The following FIG4 variants were observed in gnomAD, a reference collection of about 807,000 sequenced individuals.
FIG4 encodes FIG4 phosphoinositide 5-phosphatase.
Under a neutral mutation model 118.6 loss-of-function variants are expected in FIG4, and 112 were observed. The ratio of observed to expected loss-of-function variants is 0.94; its 90% CI spans 0.81 to 1.11. FIG4 has a LOEUF of 1.11. Among genes scored for constraint, FIG4 ranks in the 50% least tolerant of loss-of-function variants. The probability of loss-of-function intolerance (pLI) is 0.00; values close to 1 mark genes in which losing one functional copy is unlikely to be tolerated. For missense variants in FIG4, 969 were observed against 1,111.7 expected (o/e 0.87, Z 1.83); for synonymous variants, 369 against 381.2 (o/e 0.97, Z 0.37).
intron 14 of FIG4, 135 bp from the exon 15 acceptor site, chr6:109,766,594 G>T (rs966457191): frequency 5.5e-6 from 4 of 726,860 alleles, no homozygotes; most frequent in Non-Finnish European, 9.6e-6. Flanking sequence ...GCATTTATTT[G>T]CAAGATATTG....
At chr6:109,761,189 T>C (rs1367002619) in intron 11 of FIG4, among the ~76,000 whole-genome samples, 1 of 152,160 alleles carries the variant, frequency 6.6e-6, no homozygotes, top group Non-Finnish European at 1.5e-5. Context: ...ATTCATATTA[T>C]TTTTTTAATT....
rs143509780 is a variant in FIG4, at chr6:109,805,230, C to T, written c.2546+8379C>T. Among the ~76,000 whole-genome samples, 1,077 of 152,178 alleles carry T rather than the reference C, an allele frequency of 7.1e-3. 12 individuals carry two copies. The highest frequency in any genetic ancestry group is 0.024 in the African/African-American group (985 of 41,522). The stretch of plus-strand genomic sequence containing the variant: ...ACCATGGTTTTCTGATTTTTAGATT[C>T]CCTACTGCTACCAAATGTCTGAAGC... On this transcript the variant is annotated intron_variant, in intron 22 of 22. Coordinates refer to ENST00000230124, the MANE Select transcript of FIG4 (RefSeq NM_014845.6).
Position 109,727,113 on chromosome 6 carries a change from T to C in FIG4, c.294T>C (p.Phe98=), listed in dbSNP as rs1367957841. 7 of 1,609,460 alleles carry C rather than the reference T, an allele frequency of 4.3e-6. No individual in the cohort carries two copies. The highest frequency in any genetic ancestry group is 1.3e-5 in the African/African-American group (1 of 74,850). ...RAVSAFGVVG[F]VRFLEGYYIV... Reference sequence around the variant, plus strand: ...TCTTTATTTTTTGTTGCATAGGTTTTGTCAGGTTCTTAGAAGGCTATTATA... The same window carrying C: ...TCTTTATTTTTTGTTGCATAGGTTTCGTCAGGTTCTTAGAAGGCTATTATA... The change falls in exon 4 of 23, where the codon TTT becomes TTC. Residue 98 remains phenylalanine, a synonymous_variant. Coordinates refer to ENST00000230124, the MANE Select transcript of FIG4 (RefSeq NM_014845.6).
At chr6:109,731,258 A>G (rs185809130) in intron 4 of FIG4, among the ~76,000 whole-genome samples, 3 of 152,330 alleles carry the variant, frequency 2.0e-5, no homozygotes, top group African/African-American at 7.2e-5. Flanking sequence ...TATTTTAACC[A>G]CTTAGAAGAA....
chr6:109,782,678 A>G (rs968108742), intron 16 of FIG4, among the ~76,000 whole-genome samples: 7 of 152,270 alleles, frequency 4.6e-5, no homozygotes, highest in African/African-American at 1.7e-4. Flanking sequence ...AATTAGATTT[A>G]CTCAGATGCA....
At chr6:109,798,243 G>C (rs1778338785) in intron 22 of FIG4, among the ~76,000 whole-genome samples, 1 of 152,176 alleles carries the variant, frequency 6.6e-6, no homozygotes, top group Non-Finnish European at 1.5e-5. Context: ...ATCTTAAGTG[G>C]TGAAATGGAC....
At chr6:109,734,040 A>G (rs1215231235) in intron 5 of FIG4, among the ~76,000 whole-genome samples, 1 of 152,004 alleles carries the variant, frequency 6.6e-6, no homozygotes, top group Non-Finnish European at 1.5e-5. Flanking sequence ...ACTTCTTAAT[A>G]TAGCTTTTAT....
At chr6:109,725,074 T>C (rs990454629) in intron 3 of FIG4, among the ~76,000 whole-genome samples, 3 of 147,978 alleles carry the variant, frequency 2.0e-5, no homozygotes, top group Non-Finnish European at 4.6e-5. Context: ...AATGAATGAA[T>C]TAAATTGTTT....
At chr6:109,801,701 A>G (rs1778433165) in intron 22 of FIG4, among the ~76,000 whole-genome samples, 1 of 152,214 alleles carries the variant, frequency 6.6e-6, no homozygotes, top group South Asian at 2.1e-4. Flanking sequence ...TACAGATCAG[A>G]GCATGCTGTT....
At chr6:109,697,599 T>A (rs1051221229) in intron 1 of FIG4, among the ~76,000 whole-genome samples, 1 of 152,142 alleles carries the variant, frequency 6.6e-6, no homozygotes, top group African/African-American at 2.4e-5. Context: ...GCAATGTCTT[T>A]TGTGACTGAG....
intron 3 of FIG4, among the ~76,000 whole-genome samples, chr6:109,719,885 C>A (rs925388360): frequency 6.6e-6 from 1 of 152,102 alleles, no homozygotes; most frequent in Admixed American, 6.5e-5. Context: ...GATAACCAAG[C>A]TTGTAAAACT....
chr6:109,803,200 T>A (rs1406155846), intron 22 of FIG4, among the ~76,000 whole-genome samples: 1 of 152,200 alleles, frequency 6.6e-6, no homozygotes, highest in African/African-American at 2.4e-5. Flanking sequence ...TTTGGAAAGG[T>A]CACTCTGGAA....
At chr6:109,696,478 G>A (rs1412323789) in intron 1 of FIG4, among the ~76,000 whole-genome samples, 1 of 152,128 alleles carries the variant, frequency 6.6e-6, no homozygotes, top group Non-Finnish European at 1.5e-5. Context: ...GCTAAGATGT[G>A]GAATCAGCCT....
chr6:109,721,239 T>G (rs1354446907), intron 3 of FIG4, among the ~76,000 whole-genome samples: 1 of 152,128 alleles, frequency 6.6e-6, no homozygotes, highest in Non-Finnish European at 1.5e-5. Flanking sequence ...CTCAGACTAG[T>G]TAGGGGGCAG....
chr6:109,803,580 G>A (rs945659460), intron 22 of FIG4, among the ~76,000 whole-genome samples: 7 of 151,948 alleles, frequency 4.6e-5, no homozygotes, highest in African/African-American at 7.3e-5. Flanking sequence ...GGGTTTTCTC[G>A]GCTATTGATT....
chr6:109,754,776 C>A (rs752733211), intron 10 of FIG4, among the ~76,000 whole-genome samples: 1 of 152,066 alleles, frequency 6.6e-6, no homozygotes, highest in Non-Finnish European at 1.5e-5. Flanking sequence ...TCTGTGGGAT[C>A]GGTGGTGATA....
At chr6:109,769,623 TA>T (rs777015058) in intron 15 of FIG4, among the ~76,000 whole-genome samples, 766 of 139,704 alleles carry the variant, frequency 5.5e-3, no homozygotes, top group Middle Eastern at 0.011. Context: ...TAAACTAGAT[TA>T]AAAAAAAAAA....
At chr6:109,791,344 G>A in intron 19 of FIG4, 32 bp from the exon 20 acceptor site, 1 of 1,584,468 alleles carries the variant, frequency 6.3e-7, no homozygotes. Flanking sequence ...TTAGTTTAAA[G>A]ATGCTTCACT....
chr6:109,692,763 C>T (rs1226034225), intron 1 of FIG4, among the ~76,000 whole-genome samples: 3 of 151,576 alleles, frequency 2.0e-5, no homozygotes, highest in African/African-American at 7.3e-5. Context: ...GTGGTGCTAT[C>T]TCGGCTCACT....
Sources: gnomAD v4.1 joint callset for allele counts (sites outside exome capture counted in the v4.1 genomes callset) on GRCh38, gnomAD v4.1.1 for gene constraint, MANE v1.5 for transcripts, NCBI Gene and HGNC (gene_info 2026-07-23, HGNC 2026-07-21) for gene names.